Variants in TMEM45A observed in about 807,000 individuals in gnomAD.
The protein encoded by TMEM45A is transmembrane protein 45A, also known as DNA polymerase-transactivated protein 4.
A neutral mutation model predicts 32.0 loss-of-function variants in TMEM45A; 25 were observed. That is an observed-to-expected ratio of 0.78 (90% CI 0.57 to 1.09). TMEM45A has a LOEUF of 1.09. Among genes scored for constraint, TMEM45A ranks in the 50% least tolerant of loss-of-function variants. The probability of loss-of-function intolerance (pLI) is 0.00; values close to 1 mark genes in which losing one functional copy is unlikely to be tolerated. For synonymous variants in TMEM45A, 122 were observed against 114.8 expected (o/e 1.06, Z -0.40); for missense variants, 302 against 325.0 (o/e 0.93, Z 0.54).
chr3:100,552,107 G>A (rs1053803708), intron 1 of TMEM45A, among the ~76,000 whole-genome samples: 13 of 152,096 alleles, frequency 8.5e-5, no homozygotes, highest in African/African-American at 2.4e-4. Context: ...CAATATGTTT[G>A]CTTGTATGTT....
At chr3:100,552,408 A>C (rs1706127419) in intron 1 of TMEM45A, among the ~76,000 whole-genome samples, 1 of 152,152 alleles carries the variant, frequency 6.6e-6, no homozygotes, top group African/African-American at 2.4e-5. Flanking sequence ...ACCCTCCCCT[A>C]TTTGGGCCAT....
At chr3:100,493,676 CTATG>C (rs1707883187) in intron 1 of TMEM45A, among the ~76,000 whole-genome samples, 1 of 151,864 alleles carries the variant, frequency 6.6e-6, no homozygotes, top group Non-Finnish European at 1.5e-5. Context: ...TGTATATGCT[CTATG>C]TATGCTATAT....
chr3:100,563,725 C>T (rs1171394614), intron 4 of TMEM45A, among the ~76,000 whole-genome samples: 1 of 152,260 alleles, frequency 6.6e-6, no homozygotes, highest in East Asian at 1.9e-4. Flanking sequence ...CATAGAGGAC[C>T]TAGAAATTCT....
At position 100,568,986 on chromosome 3, in the gene TMEM45A, T is replaced by C. The variant is rs756657782; in HGVS notation, c.734+19T>C. ...TTACCTGGTAAGTTAGCGATTTCTG[T>C]TAATGGAAGTTCTGTTCCTTGGTAT... On this transcript the variant is annotated intron_variant, in intron 5 of 5. Coordinates refer to ENST00000323523, the MANE Select transcript of TMEM45A (RefSeq NM_018004.3). 2.5e-6 allele frequency: 4 copies of C among 1,604,012 alleles called. No individual in the cohort carries two copies. The East Asian group carries it at 9.0e-5, about 36-fold the overall frequency.
chr3:100,558,801 A>G (rs534975321), intron 4 of TMEM45A, among the ~76,000 whole-genome samples: 1 of 152,342 alleles, frequency 6.6e-6, no homozygotes, highest in South Asian at 2.1e-4. Flanking sequence ...GCACATCTTC[A>G]TCACACCTGG....
chr3:100,519,748 C>G, intron 1 of TMEM45A: 1 of 831,304 alleles, frequency 1.2e-6, no homozygotes, highest in Non-Finnish European at 1.9e-6. Flanking sequence ...TGGGTTGTGG[C>G]TGATCAAGGC....
At chr3:100,513,632 T>C (rs1481614619) in intron 1 of TMEM45A, among the ~76,000 whole-genome samples, 6 of 150,484 alleles carry the variant, frequency 4.0e-5, no homozygotes, top group African/African-American at 7.4e-5. Context: ...CCAGGGCAAT[T>C]AGGCAGGAGA....
intron 1 of TMEM45A, among the ~76,000 whole-genome samples, chr3:100,546,627 T>C (rs953966576): frequency 6.6e-6 from 1 of 152,216 alleles, no homozygotes; most frequent in Non-Finnish European, 1.5e-5. Context: ...GCCCTCTGAC[T>C]TTGACTACAG....
At chr3:100,545,351 T>C (rs1576282086) in intron 1 of TMEM45A, among the ~76,000 whole-genome samples, 1 of 152,344 alleles carries the variant, frequency 6.6e-6, no homozygotes, top group South Asian at 2.1e-4. Flanking sequence ...TATCCATGAA[T>C]AGAAACTCAG....
At chr3:100,502,279 C>T (rs537190023) in intron 1 of TMEM45A, among the ~76,000 whole-genome samples, 1 of 151,416 alleles carries the variant, frequency 6.6e-6, no homozygotes, top group South Asian at 2.1e-4. Flanking sequence ...TGTCTTTCTT[C>T]ATCTCAGGGA....
intron 1 of TMEM45A, among the ~76,000 whole-genome samples, chr3:100,531,178 G>T (rs1705639935): frequency 6.6e-6 from 1 of 151,932 alleles, no homozygotes; most frequent in Admixed American, 6.6e-5. Context: ...AGAGTAATTT[G>T]CCCTCATTAA....
Position 100,506,626 on chromosome 3 carries a change from G to A in TMEM45A, c.-4+13698G>A, listed in dbSNP as rs527311130. 2.6e-5 allele frequency among the ~76,000 whole-genome samples: 4 copies of A among 152,262 alleles called. No homozygotes were observed. The South Asian group carries it at 6.2e-4, about 24-fold the overall frequency. On this transcript the variant is annotated intron_variant, in intron 1 of 5. Coordinates refer to ENST00000323523, the MANE Select transcript of TMEM45A (RefSeq NM_018004.3). ...AGCACTTCCTCTTTCATGTCTATGA[G>A]TGTTTCAGAAAATATTTTTTCTGTG...
At chr3:100,575,363 C>CTCTTTTTTTT (rs1706660425) in intron 5 of TMEM45A, among the ~76,000 whole-genome samples, 2 of 62,706 alleles carry the variant, frequency 3.2e-5, no homozygotes, top group African/African-American at 1.1e-4. Context: ...TATGGATTCT[C>CTCTTTTTTTT]TTTTTTTTTT....
At chr3:100,557,694 C>T (rs192549716) in intron 3 of TMEM45A, among the ~76,000 whole-genome samples, 8 of 152,226 alleles carry the variant, frequency 5.3e-5, no homozygotes, top group Admixed American at 3.9e-4. Context: ...GCCCATACCT[C>T]GGGAACAAGG....
At chr3:100,547,291 T>G (rs1705996739) in intron 1 of TMEM45A, among the ~76,000 whole-genome samples, 1 of 151,888 alleles carries the variant, frequency 6.6e-6, no homozygotes, top group African/African-American at 2.4e-5. Flanking sequence ...TGGGCTAATT[T>G]TTGTATTTTT....
rs1706231237 is a variant in TMEM45A, at chr3:100,556,800, G to A, written c.231G>A (p.Leu77=). The A allele has an allele frequency of 1.2e-6, 2 of 1,613,920 alleles. No homozygotes were observed. The highest frequency in any genetic ancestry group is 1.7e-6 in the Non-Finnish European group (2 of 1,180,000). ...AGTTTATTCCTGGAGGGCCCCATCT[G>A]ATGTTATATGACTATAAACAAGGTC... The part of the protein sequence containing the change: ...GEQFIPGGPH[L]MLYDYKQGHW... Residue 77 remains leucine, a synonymous_variant, in exon 3 of 6, where the codon CTG becomes CTA. Transcript: ENST00000323523.
At chr3:100,513,456 G>A (rs1243720329) in intron 1 of TMEM45A, among the ~76,000 whole-genome samples, 1 of 149,616 alleles carries the variant, frequency 6.7e-6, no homozygotes, top group Non-Finnish European at 1.5e-5. Flanking sequence ...CAATAAATTA[G>A]GTATTGATGG....
At chr3:100,562,013 G>A (rs968372678) in intron 4 of TMEM45A, among the ~76,000 whole-genome samples, 1 of 152,198 alleles carries the variant, frequency 6.6e-6, no homozygotes, top group Admixed American at 6.5e-5. Flanking sequence ...TAGGCTTTTA[G>A]TGTTGAAATA....
At chr3:100,535,980 G>T (rs1285805672) in intron 1 of TMEM45A, among the ~76,000 whole-genome samples, 2 of 152,126 alleles carry the variant, frequency 1.3e-5, no homozygotes, top group Non-Finnish European at 2.9e-5. Flanking sequence ...TTTCACCAAG[G>T]TTCTCCTAGA....
Sources: gnomAD v4.1 joint callset for allele counts (sites outside exome capture counted in the v4.1 genomes callset) on GRCh38, gnomAD v4.1.1 for gene constraint, MANE v1.5 for transcripts, NCBI Gene and HGNC (gene_info 2026-07-23, HGNC 2026-07-21) for gene names.